ATR: variants seen among roughly 807,000 people sequenced by gnomAD.
ATR encodes serine/threonine-protein kinase ATR.
ATR carries 142 observed loss-of-function variants against 305.3 expected under a neutral mutation model. That is an observed-to-expected ratio of 0.47 (90% CI 0.41 to 0.53). ATR has a LOEUF of 0.53. ATR is among the 20% of genes least tolerant of loss of function. The pLI is 0.00. For missense variants in ATR, 2,135 were observed against 3,133.1 expected, an observed-to-expected ratio of 0.68 and a Z score of 7.60; for synonymous variants, 1,050 against 1,068.1, an observed-to-expected ratio of 0.98 and a Z score of 0.33.
At chr3:142,578,126 A>G (rs2035500327) in intron 1 of ATR, among the ~76,000 whole-genome samples, 1 of 152,158 alleles carries the variant, frequency 6.6e-6, no homozygotes. Flanking sequence ...CACTTCAAAG[A>G]AAAAAACTGC....
chr3:142,557,651 G>C (rs1368259915), intron 8 of ATR, among the ~76,000 whole-genome samples: 1 of 152,154 alleles, frequency 6.6e-6, no homozygotes, highest in Non-Finnish European at 1.5e-5. Flanking sequence ...AGGGACAAAG[G>C]CTTCCATCAT....
chr3:142,536,019 G>T, intron 20 of ATR, 89 bp downstream of exon 20: 1 of 923,948 alleles, frequency 1.1e-6, no homozygotes, highest in South Asian at 1.4e-5. Context: ...CCCTAGATAT[G>T]ATCCTAAAGG....
intron 36 of ATR, among the ~76,000 whole-genome samples, chr3:142,476,724 G>A (rs959010742): frequency 5.9e-5 from 9 of 152,182 alleles, no homozygotes; most frequent in African/African-American, 2.2e-4. Flanking sequence ...TCCTATCCAT[G>A]AGCATGGAAT....
In ATR at chr3:142,515,492, G is replaced by A. The variant is rs747880325; in HGVS notation, c.4406C>T (p.Thr1469Ile). 5.6e-6 allele frequency: 9 copies of A among 1,611,496 alleles called. No homozygotes were observed. The highest frequency in any genetic ancestry group is 4.4e-5 in the South Asian group (4 of 91,036). ...NTRYKSSQKS[T>I]DWSGVKKPIY... ...TGGCTTCTTTACTCCAGACCAATCG[G>A]TTGACTTCTGAGAACTCTTGTATCT... is the stretch of plus-strand genomic sequence containing the variant. Residue 1469 changes from threonine to isoleucine, a missense_variant, in exon 25 of 47, where the codon ACC becomes ATC. Coordinates refer to ENST00000350721, the MANE Select transcript of ATR (RefSeq NM_001184.4).
At chr3:142,551,186 A>T (rs2034459484) in intron 13 of ATR, among the ~76,000 whole-genome samples, 1 of 152,154 alleles carries the variant, frequency 6.6e-6, no homozygotes, top group Non-Finnish European at 1.5e-5. Context: ...CAGAAGTGGG[A>T]GGATCATTTG....
rs2071204593 is a variant in ATR at position 142,469,366 on chromosome 3, C to G, written c.6523G>C (p.Ala2175Pro). 1 of 1,613,604 alleles carries G rather than the reference C, an allele frequency of 6.2e-7. No homozygotes were observed. The highest frequency in any genetic ancestry group is 8.5e-7 in the Non-Finnish European group (1 of 1,179,824). Residue 2175 changes from alanine (A) to proline (P), a missense_variant, in exon 38 of 47, where the codon GCA becomes CCA. Ala to Pro is a conservative substitution (Grantham distance 27). Around this residue, in one of 9 missense-constraint regions of ATR, gnomAD observed 462 missense variants for 887.6 expected, o/e 0.52. Transcript: ENST00000350721. ...AKVFLAYPQQ[A>P]MWMMTAVSKS... ...GACACAGCTGTCATCATCCACATTGCTTGTTGAGGATAGGCTAGAAATACT... is the reference window on the plus strand; with the variant it reads ...GACACAGCTGTCATCATCCACATTGGTTGTTGAGGATAGGCTAGAAATACT...
chr3:142,536,893 G>C (rs545630328), intron 19 of ATR, among the ~76,000 whole-genome samples: 1 of 152,014 alleles, frequency 6.6e-6, no homozygotes, highest in Non-Finnish European at 1.5e-5. Context: ...AAGAATTATA[G>C]AAAAAAATAC....
chr3:142,553,378 A>C lies in ATR; in HGVS notation c.2654T>G (p.Val885Gly). 1.2e-6 allele frequency: 2 copies of C among 1,613,880 alleles called. No homozygotes were observed. The highest frequency in any genetic ancestry group is 1.7e-6 in the Non-Finnish European group (2 of 1,179,912). ...CAATAAGTGTAAGAGTGCAAATGGTACCAAATCTCCTTTTGCGGCCCTAAA... is the reference window on the plus strand; with the variant it reads ...CAATAAGTGTAAGAGTGCAAATGGTCCCAAATCTCCTTTTGCGGCCCTAAA... ...DIGRAAKGDL[V>G]PFALLHLLHC... The change falls in exon 13 of 47, where the codon GTA becomes GGA. Residue 885 changes from valine to glycine, a missense_variant. Physicochemically the swap from Val to Gly is moderately radical, Grantham distance 109. Around this residue, in one of 9 missense-constraint regions of ATR, gnomAD observed 530 missense variants for 766.8 expected, o/e 0.69. Transcript: ENST00000350721.
Position 142,499,661 on chromosome 3 carries a change from T to C in ATR, c.5346A>G (p.Ser1782=). The C allele has an allele frequency of 6.2e-7, 1 of 1,614,132 alleles. No individual in the cohort carries two copies. Among genetic ancestry groups the C allele is most frequent in the Non-Finnish European group, 8.5e-7 (1 of 1,180,002 alleles). The change falls in exon 31 of 47, where the codon TCA becomes TCG. Residue 1782 remains serine, a synonymous_variant. Transcript: ENST00000350721. ...AATAGTTTTCCACCAAATCCCACTG[T>C]GACAATTTCCAAGCTGCTTCCACTC... ...TYRVEAAWKL[S]QWDLVENYLA... is the part of the protein sequence containing the mutation.
chr3:142,550,081 G>C, intron 14 of ATR, 51 bp downstream of exon 14: 1 of 1,598,350 alleles, frequency 6.3e-7, no homozygotes, highest in African/African-American at 1.3e-5. Context: ...AGAATGGAAT[G>C]AACAAAATAC....
At chr3:142,517,908 G>A (rs919067307) in intron 24 of ATR, among the ~76,000 whole-genome samples, 1 of 152,172 alleles carries the variant, frequency 6.6e-6, no homozygotes, top group African/African-American at 2.4e-5. Context: ...ACTTTGCTAA[G>A]TACTTTTAAT....
At chr3:142,511,139 T>C (rs1201822539) in intron 27 of ATR, among the ~76,000 whole-genome samples, 1 of 151,964 alleles carries the variant, frequency 6.6e-6, no homozygotes, top group African/African-American at 2.4e-5. Context: ...AAAACTTAAA[T>C]GTGAAAAAGA....
intron 24 of ATR, among the ~76,000 whole-genome samples, chr3:142,517,244 A>G (rs552296969): frequency 1.6e-4 from 25 of 151,668 alleles, no homozygotes; most frequent in Admixed American, 5.9e-4. Context: ...AGTTATTTCT[A>G]TGGTGATTTT....
chr3:142,552,308 AAAAAGG>A (rs1559987605), intron 13 of ATR, among the ~76,000 whole-genome samples: 7 of 22,008 alleles, frequency 3.2e-4, no homozygotes, highest in Non-Finnish European at 6.0e-4. Context: ...AAAGGAATAT[AAAAAGG>A]AATATAAATC....
In ATR at chr3:142,515,274, A is replaced by T. The variant is rs1559955888; in HGVS notation, c.4503+121T>A. On this transcript the variant is annotated intron_variant, in intron 25 of 46. Transcript: ENST00000350721. ...TCTATTAGTTAACATTTTCTTCAAAAATTTCTATGATTATCAGCACAAATA... is the reference window on the plus strand; with the variant it reads ...TCTATTAGTTAACATTTTCTTCAAATATTTCTATGATTATCAGCACAAATA... The T allele has an allele frequency of 2.2e-6, 3 of 1,374,956 alleles. No homozygotes were observed. In the African/African-American group the frequency reaches 4.4e-5, roughly 20 times the overall value. 85.2% of individuals were successfully genotyped at this position (1,374,956 alleles called of 1,614,324 possible).
chr3:142,499,789 TTACA>T, intron 30 of ATR, 71 bp from the exon 31 acceptor site: 1 of 1,204,088 alleles, frequency 8.3e-7, no homozygotes, highest in Non-Finnish European at 1.2e-6. Context: ...TTTCATTGGT[TTACA>T]TACTCTATTT....
At chr3:142,521,367 G>A (rs777907007) in intron 23 of ATR, among the ~76,000 whole-genome samples, 3 of 152,122 alleles carry the variant, frequency 2.0e-5, no homozygotes, top group Admixed American at 6.6e-5. Context: ...TGTTGTTTTC[G>A]TGCCTGCTAA....
At chr3:142,466,949 G>A (rs2071144698) in intron 39 of ATR, among the ~76,000 whole-genome samples, 1 of 152,048 alleles carries the variant, frequency 6.6e-6, no homozygotes, top group Non-Finnish European at 1.5e-5. Flanking sequence ...ATAAAGAACT[G>A]GAAACCTGTA....
chr3:142,497,205 A>G lies in ATR; in HGVS notation c.5559-13T>C, dbSNP rs2108337103. ...TAACATGTGCAATCTGAAGATAGAT[A>G]GAGCCTATGTTAAAATGTTATCATA... On this transcript the variant is annotated splice_polypyrimidine_tract_variant and intron_variant, in intron 32 of 46. Transcript: ENST00000350721. The G allele has an allele frequency of 1.9e-6, 3 of 1,612,958 alleles. No homozygotes were observed. The highest frequency in any genetic ancestry group is 2.5e-6 in the Non-Finnish European group (3 of 1,179,102).
Sources: allele counts gnomAD v4.1 joint callset (sites outside exome capture counted in the v4.1 genomes callset), GRCh38; gene constraint gnomAD v4.1.1; regional missense constraint gnomAD v4.1.1; transcripts MANE v1.5; gene names NCBI Gene and HGNC (gene_info 2026-07-23, HGNC 2026-07-21).